The following RHOQ variants were observed in gnomAD, a reference collection of about 807,000 sequenced individuals.
RHOQ encodes rho-related GTP-binding protein RhoQ.
In RHOQ, 7 loss-of-function variants were observed where a neutral mutation model predicts 25.8. The observed-to-expected ratio is 0.27, with a 90% CI of 0.15 to 0.51. RHOQ has a LOEUF of 0.51. Ranked by LOEUF, RHOQ falls within the 20% of genes least tolerant of loss-of-function variation. The probability of loss-of-function intolerance (pLI) is 0.97; values close to 1 mark genes in which losing one functional copy is unlikely to be tolerated. For synonymous variants in RHOQ, 97 were observed against 98.6 expected (o/e 0.98, Z 0.10); for missense variants, 165 against 260.6 (o/e 0.63, Z 2.53).
At chr2:46,564,514 C>T (rs1049235365) in intron 2 of RHOQ, among the ~76,000 whole-genome samples, 3 of 152,184 alleles carry the variant, frequency 2.0e-5, no homozygotes, top group African/African-American at 7.2e-5. Flanking sequence ...TCCTCGTCCT[C>T]AGATGGCAGA....
At chr2:46,551,706 A>G (rs1486882166) in intron 2 of RHOQ, among the ~76,000 whole-genome samples, 1 of 152,176 alleles carries the variant, frequency 6.6e-6, no homozygotes, top group Non-Finnish European at 1.5e-5. Flanking sequence ...GTGAATGGTG[A>G]GAGCACTGAA....
intron 2 of RHOQ, among the ~76,000 whole-genome samples, chr2:46,565,929 A>G (rs544331944): frequency 8.5e-5 from 13 of 152,248 alleles, no homozygotes; most frequent in Non-Finnish European, 1.2e-4. Flanking sequence ...GAGCATGGCA[A>G]TGCTTAAGCT....
intron 2 of RHOQ, among the ~76,000 whole-genome samples, chr2:46,567,723 A>G (rs1336894353): frequency 6.6e-6 from 1 of 152,060 alleles, no homozygotes; most frequent in Non-Finnish European, 1.5e-5. Context: ...ATAAAGTTCA[A>G]TCTTTCTCCT....
In RHOQ at chr2:46,543,805, C is replaced by T. The variant is rs1667934667; in HGVS notation, c.194C>T (p.Ala65Val). Reference protein sequence around the residue: ...KQYLLGLYDTAGQEDYDRLRP... With the variant: ...KQYLLGLYDTVGQEDYDRLRP... ...TACCTCCTAGGACTCTATGACACGG[C>T]CGGACAGGTGAGTGTCTTGGCCTCT... The change falls in exon 2 of 5, where the codon GCC becomes GTC. Residue 65 changes from alanine (A) to valine (V), a missense_variant. Physicochemically the swap from Ala to Val is moderately conservative, Grantham distance 64. Transcript: ENST00000238738. 1.9e-6 allele frequency: 3 copies of T among 1,613,368 alleles called. No individual in the cohort carries two copies. Among genetic ancestry groups the T allele is most frequent in the South Asian group, 2.2e-5 (2 of 90,934 alleles).
Position 46,569,290 on chromosome 2 carries a change from A to G in RHOQ, c.202-6797A>G, listed in dbSNP as rs1001960445. Reference sequence around the variant, plus strand: ...CTTGATCCTCTGCCTTGTGGTGGTCAGCTTAGATAAAATGGAATCCTAAAA... The same window carrying G: ...CTTGATCCTCTGCCTTGTGGTGGTCGGCTTAGATAAAATGGAATCCTAAAA... On this transcript the variant is annotated intron_variant, in intron 2 of 4. Transcript: ENST00000238738. The surrounding 1 kb of genome is among the most constrained non-coding windows in gnomAD (Gnocchi z 4.1). 1 of 152,226 alleles carries G rather than the reference A, an allele frequency of 6.6e-6. No homozygotes were observed. The highest frequency in any genetic ancestry group is 2.4e-5 in the African/African-American group (1 of 41,454). The allele number at this position is 152,226 out of a possible 1,614,324, so 9.4% of individuals were successfully genotyped here. A position where few individuals can be genotyped will look rare whatever the true frequency, so the allele number is the denominator to read the frequency against.
chr2:46,562,424 C>A (rs1023253578), intron 2 of RHOQ, among the ~76,000 whole-genome samples: 2 of 152,198 alleles, frequency 1.3e-5, no homozygotes, highest in African/African-American at 4.8e-5. Flanking sequence ...TCTATTGTTA[C>A]TAGTTTCCTC....
intron 2 of RHOQ, among the ~76,000 whole-genome samples, chr2:46,563,594 T>A (rs1175148822): frequency 1.3e-5 from 2 of 152,134 alleles, no homozygotes; most frequent in African/African-American, 4.8e-5. Flanking sequence ...GGATAAGCTG[T>A]GCTCAGTGGT....
chr2:46,583,388 A>G lies in RHOQ; in HGVS notation c.*2305A>G, dbSNP rs1172817818. On this transcript the variant is annotated 3_prime_UTR_variant, in exon 5 of 5. Coordinates refer to ENST00000238738, the MANE Select transcript of RHOQ (RefSeq NM_012249.4). ...TCACAGTAATTTTCTTATTCACAGT[A>G]ATCATTGTTGGATGTTACCTTTTCA... Among the ~76,000 whole-genome samples, 1 of 152,148 alleles carries G rather than the reference A, an allele frequency of 6.6e-6. No homozygotes were observed. The highest frequency in any genetic ancestry group is 6.5e-5 in the Admixed American group (1 of 15,280).
chr2:46,545,292 G>A (rs1321418334), intron 2 of RHOQ, among the ~76,000 whole-genome samples: 2 of 152,180 alleles, frequency 1.3e-5, no homozygotes, highest in Non-Finnish European at 2.9e-5. Context: ...ACAAGAGGTT[G>A]ACCTTATTGG....
Position 46,548,616 on chromosome 2 carries a change from C to G in RHOQ, c.201+4804C>G, listed in dbSNP as rs1668146591. ...GAAATGCCACTCACAACATCAGACT[C>G]TGGGTCCTTGTAGCCCCGTGTTCCA... On this transcript the variant is annotated intron_variant, in intron 2 of 4. Transcript: ENST00000238738. This position sits in a 1 kb window ranked among gnomAD's most constrained non-coding sequence, Gnocchi z 5.2. Among the ~76,000 whole-genome samples, 1 of 152,176 alleles carries G rather than the reference C, an allele frequency of 6.6e-6. No individual in the cohort carries two copies. Among genetic ancestry groups the G allele is most frequent in the Admixed American group, 6.5e-5 (1 of 15,288 alleles).
chr2:46,560,085 T>C (rs776307779), intron 2 of RHOQ, among the ~76,000 whole-genome samples: 3 of 152,230 alleles, frequency 2.0e-5, no homozygotes, highest in Non-Finnish European at 4.4e-5. Context: ...ACCCTCTTGC[T>C]TGTGGCTCCG....
intron 2 of RHOQ, among the ~76,000 whole-genome samples, chr2:46,546,480 A>G (rs1421985713): frequency 0.027 from 415 of 15,436 alleles, 21 homozygotes; most frequent in African/African-American, 0.055. Flanking sequence ...ATATGTGTAT[A>G]TATATATATA....
Position 46,552,167 on chromosome 2 carries a change from A to G in RHOQ, c.201+8355A>G, listed in dbSNP as rs181982852. On this transcript the variant is annotated intron_variant, in intron 2 of 4. Coordinates refer to ENST00000238738, the MANE Select transcript of RHOQ (RefSeq NM_012249.4). This position sits in a 1 kb window ranked among gnomAD's most constrained non-coding sequence, Gnocchi z 5.0. ...AACATTGTGTATAGGTGGAACACGT[A>G]GGGACGGCTGCTAAAACGGCTCCTA... Among the ~76,000 whole-genome samples, 1 of 152,360 alleles carries G rather than the reference A, an allele frequency of 6.6e-6. No homozygotes were observed. The highest frequency in any genetic ancestry group is 1.9e-4 in the East Asian group (1 of 5,192).
At chr2:46,546,595 C>G (rs1473408560) in intron 2 of RHOQ, among the ~76,000 whole-genome samples, 1 of 142,054 alleles carries the variant, frequency 7.0e-6, no homozygotes, top group African/African-American at 2.6e-5. Flanking sequence ...CAAAACAGGC[C>G]TGGGCTCAGA....
chr2:46,566,030 G>A lies in RHOQ; in HGVS notation c.202-10057G>A, dbSNP rs763176884. On this transcript the variant is annotated intron_variant, in intron 2 of 4. Transcript: ENST00000238738. The surrounding 1 kb of genome is among the most constrained non-coding windows in gnomAD (Gnocchi z 4.2). ...TAGGAGCTCCCAGGTGAAGAAATAC[G>A]GAGAGAGAGAAGAAACAGGGAAACT... 2.6e-5 allele frequency among the ~76,000 whole-genome samples: 4 copies of A among 152,232 alleles called. No individual in the cohort carries two copies. The East Asian group carries it at 5.8e-4, about 22-fold the overall frequency.
chr2:46,572,107 G>GGTTTTT (rs1668937347), intron 2 of RHOQ, among the ~76,000 whole-genome samples: 4 of 66,254 alleles, frequency 6.0e-5, no homozygotes, highest in African/African-American at 8.4e-5. Flanking sequence ...GTAAGTGTGT[G>GGTTTTT]TTTTTTTTTT....
At chr2:46,551,989 G>A (rs972327404) in intron 2 of RHOQ, among the ~76,000 whole-genome samples, 4 of 152,124 alleles carry the variant, frequency 2.6e-5, no homozygotes, top group African/African-American at 4.8e-5. Context: ...GCAGGCTGTC[G>A]GACTTTAAGC....
At chr2:46,571,129 C>G (rs1449037589) in intron 2 of RHOQ, among the ~76,000 whole-genome samples, 1 of 152,234 alleles carries the variant, frequency 6.6e-6, no homozygotes, top group African/African-American at 2.4e-5. Context: ...TCAAGTGCCT[C>G]TTCCAAGAGG....
rs1234034809 is a variant in RHOQ at position 46,542,942 on chromosome 2, G to A, written c.-105G>A. 37 of 637,448 alleles carry A rather than the reference G, an allele frequency of 5.8e-5. No homozygotes were observed. In the African/African-American group the frequency reaches 7.3e-4, roughly 13 times the overall value. 39.5% of individuals were successfully genotyped at this position (637,448 alleles called of 1,614,324 possible). On this transcript the variant is annotated 5_prime_UTR_variant, in exon 1 of 5. Transcript: ENST00000238738. ...GGCCGGGGGGGCGGCCCTGCGGCGC[G>A]GAGCGGCGGCGACGGCGGCGGACCC... is the stretch of plus-strand genomic sequence containing the variant.
Sources: allele counts gnomAD v4.1 joint callset (sites outside exome capture counted in the v4.1 genomes callset), GRCh38; gene constraint gnomAD v4.1.1; non-coding constraint Gnocchi (gnomAD v3.1); transcripts MANE v1.5; gene names NCBI Gene and HGNC (gene_info 2026-07-23, HGNC 2026-07-21).